Variants in ANGPT2 observed in about 807,000 individuals in gnomAD.
The protein encoded by ANGPT2 is angiopoietin 2.
In ANGPT2, 28 loss-of-function variants were observed where a neutral mutation model predicts 62.9. The observed-to-expected ratio is 0.44, with a 90% confidence interval of 0.33 to 0.61. The LOEUF (loss-of-function observed/expected upper bound fraction) is 0.61. Among genes scored for constraint, ANGPT2 ranks in the 20% least tolerant of loss-of-function variants. The pLI, the probability that ANGPT2 is intolerant of heterozygous loss-of-function variation, is 0.03. For missense variants in ANGPT2, 727 were observed against 594.9 expected, an observed-to-expected ratio of 1.22 and a Z score of -2.31; for synonymous variants, 284 against 207.8, an observed-to-expected ratio of 1.37 and a Z score of -3.15.
intron 8 of ANGPT2, chr8:6,508,548 A>C: frequency 3.3e-6 from 1 of 304,612 alleles, no homozygotes; most frequent in Non-Finnish European, 5.9e-6. Flanking sequence ...AAATATTTCT[A>C]TAATCTATAT....
intron 6 of ANGPT2, 39 bp downstream of exon 6, chr8:6,514,638 A>C: frequency 1.9e-6 from 3 of 1,566,828 alleles, no homozygotes; most frequent in South Asian, 2.2e-5. Flanking sequence ...ATTTTTCACA[A>C]GGGAAATTCT....
chr8:6,535,469 G>T (rs1423127859), intron 1 of ANGPT2, among the ~76,000 whole-genome samples: 2 of 152,136 alleles, frequency 1.3e-5, no homozygotes, highest in African/African-American at 4.8e-5. Context: ...TAGCTATTCA[G>T]GATGACTAAG....
chr8:6,505,088 C>G (rs1021712758), intron 8 of ANGPT2, among the ~76,000 whole-genome samples: 13 of 114,386 alleles, frequency 1.1e-4, no homozygotes, highest in Non-Finnish European at 2.0e-4. Context: ...AACCTCGACC[C>G]AAGCGTCAGG....
chr8:6,499,698 TGAA>T lies in ANGPT2; in HGVS notation c.*3400_*3402del. The T allele has an allele frequency of 1.5e-6, 1 of 661,190 alleles. No individual in the cohort carries two copies. The highest frequency in any genetic ancestry group is 2.7e-6 in the Non-Finnish European group (1 of 367,660). The allele number at this position is 661,190 out of a possible 1,614,324, so 41.0% of individuals were successfully genotyped here. A position where few individuals can be genotyped will look rare whatever the true frequency, so the allele number is the denominator to read the frequency against. On this transcript the variant is annotated 3_prime_UTR_variant, in exon 9 of 9. Coordinates refer to ENST00000629816, the MANE Select transcript of ANGPT2 (RefSeq NM_001118887.2). Reference sequence around the variant, plus strand: ...TAATATTCATAACATTTATGCAACATGAAGATTCTGAAGGGACTTTGTTGTCTG... The same window carrying T: ...TAATATTCATAACATTTATGCAACATGATTCTGAAGGGACTTTGTTGTCTG...
At position 6,527,588 on chromosome 8, in the gene ANGPT2, G is replaced by A. The variant is rs372338531; in HGVS notation, c.533C>T (p.Thr178Ile). ...ATCTTGCAATTTGTTTATTTCACTG[G>A]TCTGGTCCAAAATCTGTTTTTCCAA... ...NKLEKQILDQ[T>I]SEINKLQDKN... The change falls in exon 3 of 9, where the codon ACC becomes ATC. Residue 178 changes from threonine (T) to isoleucine (I), a missense_variant. Coordinates refer to ENST00000629816, the MANE Select transcript of ANGPT2 (RefSeq NM_001118887.2). The A allele has an allele frequency of 6.2e-7, 1 of 1,613,916 alleles. No individual in the cohort carries two copies. Among genetic ancestry groups the A allele is most frequent in the South Asian group, 1.1e-5 (1 of 91,058 alleles).
At chr8:6,519,574 A>G (rs1007245025) in intron 5 of ANGPT2, among the ~76,000 whole-genome samples, 2 of 152,352 alleles carry the variant, frequency 1.3e-5, no homozygotes, top group East Asian at 3.9e-4. Flanking sequence ...AGGAAAAACA[A>G]CTGACAGTAT....
At chr8:6,510,943 A>T (rs887879365) in intron 7 of ANGPT2, among the ~76,000 whole-genome samples, 2 of 152,220 alleles carry the variant, frequency 1.3e-5, no homozygotes, top group African/African-American at 4.8e-5. Context: ...CTGCTGCAAA[A>T]TGCTAATGTC....
At chr8:6,543,721 A>G (rs2129574211) in intron 1 of ANGPT2, among the ~76,000 whole-genome samples, 1 of 152,182 alleles carries the variant, frequency 6.6e-6, no homozygotes, top group Middle Eastern at 3.4e-3. Flanking sequence ...TACCCCTTGT[A>G]TTGGATGAGA....
intron 3 of ANGPT2, among the ~76,000 whole-genome samples, chr8:6,524,775 G>T (rs562423511): frequency 6.6e-6 from 1 of 152,334 alleles, no homozygotes; most frequent in South Asian, 2.1e-4. Context: ...GCCATGTAAG[G>T]TCTGTAAATA....
At position 6,503,118 on chromosome 8, in the gene ANGPT2, G is replaced by A. The variant is rs759993549; in HGVS notation, c.1471C>T (p.Arg491Ter). The A allele has an allele frequency of 3.1e-6, 5 of 1,614,136 alleles. No individual in the cohort carries two copies. Among genetic ancestry groups the A allele is most frequent in the Non-Finnish European group, 2.5e-6 (3 of 1,180,030 alleles). ...TGGGATGTTTAGAAATCTGCTGGTC[G>A]GATCATCATGGTTGTGGCCTTGAGC... Reference protein sequence around the residue: ...YSLKATTMMIRPADF With the variant: ...YSLKATTMMI Residue 491 changes from arginine (R) to a stop codon, truncating the protein, a stop_gained, in exon 9 of 9, where the codon CGA (arginine) becomes TGA (stop). Transcript: ENST00000629816. LOFTEE classifies it high-confidence loss of function.
At chr8:6,534,101 G>A (rs756965791) in intron 1 of ANGPT2, among the ~76,000 whole-genome samples, 2 of 151,958 alleles carry the variant, frequency 1.3e-5, no homozygotes, top group Non-Finnish European at 2.9e-5. Context: ...TCGTTCTCCC[G>A]TGGATATTGG....
chr8:6,512,631 T>A (rs1167472102), intron 7 of ANGPT2, among the ~76,000 whole-genome samples: 1 of 152,222 alleles, frequency 6.6e-6, no homozygotes. Context: ...AGTGCCTCTA[T>A]GTGCCTTGTG....
chr8:6,539,955 G>T (rs991313437), intron 1 of ANGPT2, among the ~76,000 whole-genome samples: 5 of 152,182 alleles, frequency 3.3e-5, no homozygotes, highest in African/African-American at 7.2e-5. Flanking sequence ...ACTTTCGCTA[G>T]TATAAGAGAC....
chr8:6,558,415 G>A (rs763205797), intron 1 of ANGPT2, among the ~76,000 whole-genome samples: 3 of 152,036 alleles, frequency 2.0e-5, no homozygotes, highest in Non-Finnish European at 4.4e-5. Flanking sequence ...TTGAACTCTT[G>A]TTTTTCAATT....
At chr8:6,547,156 CTCCTCACCA>C (rs1822748628) in intron 1 of ANGPT2, among the ~76,000 whole-genome samples, 1 of 151,926 alleles carries the variant, frequency 6.6e-6, no homozygotes, top group Non-Finnish European at 1.5e-5. Context: ...TATAGTTTGC[CTCCTCACCA>C]TCCTCACTTG....
chr8:6,527,763 C>T (rs1818616479), intron 2 of ANGPT2, 87 bp from the exon 3 acceptor site: 1 of 1,236,162 alleles, frequency 8.1e-7, no homozygotes, highest in East Asian at 2.6e-5. Flanking sequence ...ACCCAAGCTA[C>T]AGGAAAACAT....
chr8:6,523,369 G>C (rs1383437559), intron 3 of ANGPT2, among the ~76,000 whole-genome samples: 1 of 152,090 alleles, frequency 6.6e-6, no homozygotes, highest in Non-Finnish European at 1.5e-5. Context: ...CTTTATTAAT[G>C]GTTATATAGT....
In ANGPT2 at chr8:6,527,681, A is replaced by G. The variant is rs761136032; in HGVS notation, c.445-5T>C. 2.5e-6 allele frequency: 4 copies of G among 1,598,578 alleles called. No individual in the cohort carries two copies. The South Asian group carries it at 3.5e-5, about 14-fold the overall frequency. ...TCTCGTGGTCTGATTTAATACCTAAATGTAACAAAATGAAGTTCCTATTAA... is the reference window on the plus strand; with the variant it reads ...TCTCGTGGTCTGATTTAATACCTAAGTGTAACAAAATGAAGTTCCTATTAA... On this transcript the variant is annotated splice_polypyrimidine_tract_variant and splice_region_variant and intron_variant, in intron 2 of 8. Transcript: ENST00000629816.
intron 1 of ANGPT2, among the ~76,000 whole-genome samples, chr8:6,544,009 A>G (rs542139420): frequency 3.0e-4 from 45 of 152,364 alleles, no homozygotes; most frequent in Admixed American, 2.1e-3. Context: ...TTTAGATCTG[A>G]TCAGCAGTAG....
Sources: allele counts gnomAD v4.1 joint callset (sites outside exome capture counted in the v4.1 genomes callset), GRCh38; gene constraint gnomAD v4.1.1; transcripts MANE v1.5; gene names NCBI Gene and HGNC (gene_info 2026-07-23, HGNC 2026-07-21).